WDPCP: variants seen among roughly 807,000 people sequenced by gnomAD.
WDPCP encodes the protein WD repeat containing planar cell polarity effector.
WDPCP carries 71 observed loss-of-function variants against 93.1 expected under a neutral mutation model. The observed-to-expected ratio is 0.76, with a 90% CI of 0.63 to 0.93. The LOEUF (loss-of-function observed/expected upper bound fraction) is 0.93. Ranked by LOEUF, WDPCP falls within the 40% of genes least tolerant of loss-of-function variation. The probability of loss-of-function intolerance (pLI) is 0.00; values close to 1 mark genes in which losing one functional copy is unlikely to be tolerated. For synonymous variants in WDPCP, 315 were observed against 315.0 expected (o/e 1.00, Z 0.00); for missense variants, 844 against 887.4 (o/e 0.95, Z 0.62).
At chr2:63,131,472 A>G (rs1670286377) in intron 17 of WDPCP, among the ~76,000 whole-genome samples, 1 of 151,428 alleles carries the variant, frequency 6.6e-6, no homozygotes, top group Non-Finnish European at 1.5e-5. Context: ...ATTCTCCTTT[A>G]CAGTTCCTCC....
chr2:63,837,954 A>G, the WDPCP span, among the ~76,000 whole-genome samples: 1 of 151,988 alleles, frequency 6.6e-6, no homozygotes, highest in African/African-American at 2.4e-5. Flanking sequence ...AAATACAAAA[A>G]CTAGCCAGGT....
At chr2:63,468,456 C>A (rs1425626194) in intron 6 of WDPCP, among the ~76,000 whole-genome samples, 1 of 152,202 alleles carries the variant, frequency 6.6e-6, no homozygotes, top group Admixed American at 6.6e-5. Context: ...AGCCTCTCAT[C>A]CCACTCTCAA....
At chr2:63,392,885 A>G (rs1413864815) in intron 10 of WDPCP, among the ~76,000 whole-genome samples, 2 of 152,166 alleles carry the variant, frequency 1.3e-5, no homozygotes, top group Non-Finnish European at 2.9e-5. Context: ...AGTCAGGAAA[A>G]CAACAGATGC....
At chr2:63,347,008 T>G (rs1024142413) in intron 12 of WDPCP, among the ~76,000 whole-genome samples, 5 of 152,210 alleles carry the variant, frequency 3.3e-5, no homozygotes, top group Admixed American at 6.6e-5. Context: ...TGTTTCCAAA[T>G]AATTATCATA....
At chr2:63,647,884 C>G (rs115977057) in intron 3 of WDPCP, among the ~76,000 whole-genome samples, 1 of 152,132 alleles carries the variant, frequency 6.6e-6, no homozygotes, top group South Asian at 2.1e-4. Flanking sequence ...CATCTGAAAC[C>G]TGACCAATCA....
intron 1 of WDPCP, among the ~76,000 whole-genome samples, chr2:63,533,557 C>G (rs528120541): frequency 6.6e-6 from 1 of 152,290 alleles, no homozygotes; most frequent in African/African-American, 2.4e-5. Context: ...TTAAGAGACT[C>G]GCTCAAAACT....
chr2:63,492,528 A>G (rs1700953643), intron 2 of WDPCP, among the ~76,000 whole-genome samples: 1 of 151,812 alleles, frequency 6.6e-6, no homozygotes, highest in Non-Finnish European at 1.5e-5. Flanking sequence ...TTTTAGAGGC[A>G]GGGTCTCGCT....
intron 2 of WDPCP, among the ~76,000 whole-genome samples, chr2:63,795,511 G>C (rs1326337293): frequency 7.2e-6 from 1 of 139,234 alleles, no homozygotes; most frequent in South Asian, 2.3e-4. Flanking sequence ...AAAAAAAAAA[G>C]AAAGAAAGAA....
At chr2:63,327,534 C>T (rs757789596) in intron 12 of WDPCP, among the ~76,000 whole-genome samples, 2 of 152,148 alleles carry the variant, frequency 1.3e-5, no homozygotes, top group East Asian at 3.9e-4. Context: ...CCAAAACCCC[C>T]GAGGCCTAGA....
chr2:63,771,865 G>A (rs766474117), intron 2 of WDPCP, among the ~76,000 whole-genome samples: 5 of 151,816 alleles, frequency 3.3e-5, no homozygotes, highest in African/African-American at 7.3e-5. Flanking sequence ...TTGCTACAAA[G>A]GACTTACTTT....
At chr2:63,258,561 CTTAT>C (rs1220989508) in intron 14 of WDPCP, among the ~76,000 whole-genome samples, 1 of 152,160 alleles carries the variant, frequency 6.6e-6, no homozygotes, top group East Asian at 1.9e-4. Context: ...CTTTTTAAAA[CTTAT>C]TTGTTTCAGA....
chr2:63,644,632 G>A (rs1203020732), intron 3 of WDPCP, among the ~76,000 whole-genome samples: 2 of 152,126 alleles, frequency 1.3e-5, no homozygotes, highest in Admixed American at 6.5e-5. Context: ...TGGAGCCATT[G>A]GGTCCTGGGC....
At position 63,439,684 on chromosome 2, in the gene WDPCP, C is replaced by T. The variant is rs1377257309; in HGVS notation, c.499+73G>A. 4.5e-6 allele frequency: 6 copies of T among 1,326,968 alleles called. No individual in the cohort carries two copies. The highest frequency in any genetic ancestry group is 1.4e-5 in the African/African-American group (1 of 69,246). The allele number at this position is 1,326,968 out of a possible 1,614,324, so 82.2% of individuals were successfully genotyped here. A position where few individuals can be genotyped will look rare whatever the true frequency, so the allele number is the denominator to read the frequency against. ...CAAGTCCCCAGTGGTAATAATTAGTCTACCTGTTGACACACTATTTCTCCT... is the reference window on the plus strand; with the variant it reads ...CAAGTCCCCAGTGGTAATAATTAGTTTACCTGTTGACACACTATTTCTCCT... On this transcript the variant is annotated intron_variant, in intron 7 of 17. Coordinates refer to ENST00000272321, the MANE Select transcript of WDPCP (RefSeq NM_015910.7).
intron 2 of WDPCP, among the ~76,000 whole-genome samples, chr2:63,808,798 C>T (rs974106902): frequency 8.6e-5 from 13 of 151,912 alleles, no homozygotes; most frequent in Admixed American, 3.9e-4. Context: ...TCTGCCTGGC[C>T]GCCCATCGTC....
chr2:63,316,374 G>A (rs1686639533), intron 12 of WDPCP, among the ~76,000 whole-genome samples: 1 of 152,016 alleles, frequency 6.6e-6, no homozygotes. Flanking sequence ...AACAAAAAAA[G>A]AAAATAAGGC....
intron 13 of WDPCP, among the ~76,000 whole-genome samples, chr2:63,274,604 C>T (rs1682935062): frequency 6.6e-6 from 1 of 151,926 alleles, no homozygotes; most frequent in South Asian, 2.1e-4. Context: ...GAAATAAGAT[C>T]AGAAAGGGTA....
At chr2:63,242,794 T>C (rs1228653404) in intron 14 of WDPCP, among the ~76,000 whole-genome samples, 4 of 152,144 alleles carry the variant, frequency 2.6e-5, no homozygotes, top group African/African-American at 4.8e-5. Flanking sequence ...ATGGGATATG[T>C]ACAGAAGTGA....
intron 14 of WDPCP, among the ~76,000 whole-genome samples, chr2:63,199,479 A>G (rs537034499): frequency 6.6e-6 from 1 of 152,208 alleles, no homozygotes; most frequent in Non-Finnish European, 1.5e-5. Flanking sequence ...TGGCTGTTCC[A>G]ACTCCAGCCA....
intron 11 of WDPCP, among the ~76,000 whole-genome samples, chr2:63,378,848 G>A (rs1249858796): frequency 4.6e-5 from 7 of 152,146 alleles, no homozygotes; most frequent in Admixed American, 1.3e-4. Context: ...AACTCACAGT[G>A]TGCTAAACAT....
Sources: allele counts gnomAD v4.1 joint callset (sites outside exome capture counted in the v4.1 genomes callset), GRCh38; gene constraint gnomAD v4.1.1; transcripts MANE v1.5; gene names NCBI Gene and HGNC (gene_info 2026-07-23, HGNC 2026-07-21).